SMIM13: variants seen among roughly 807,000 people sequenced by gnomAD.
SMIM13 encodes the protein UPF0766 protein C6orf228.
A neutral mutation model predicts 5.9 loss-of-function variants in SMIM13; 3 were observed. The ratio of observed to expected loss-of-function variants is 0.51; its 90% CI spans 0.23 to 1.31. SMIM13 has a LOEUF of 1.31. SMIM13 is among the 40% of genes most tolerant of loss of function. The pLI is 0.18. For synonymous variants in SMIM13, 55 were observed against 46.0 expected, an observed-to-expected ratio of 1.19 and a Z score of -0.79; for missense variants, 85 against 109.9, an observed-to-expected ratio of 0.77 and a Z score of 1.01.
At chr6:11,105,054 A>G (rs1455409491) in intron 1 of SMIM13, 1 of 1,614,224 alleles carries the variant, frequency 6.2e-7, no homozygotes. Context: ...TGCAGGCCTC[A>G]TCAGTCCTTT....
chr6:11,127,607 C>G (rs749918260), intron 1 of SMIM13, among the ~76,000 whole-genome samples: 1 of 152,164 alleles, frequency 6.6e-6, no homozygotes, highest in Non-Finnish European at 1.5e-5. Flanking sequence ...CTGTCTTACA[C>G]GGATGGCAGC....
chr6:11,134,530 C>G lies in SMIM13; in HGVS notation c.204C>G (p.Ser68=), dbSNP rs757477073. Residue 68 remains serine, a synonymous_variant, in exon 2 of 2, where the codon TCC becomes TCG. Transcript: ENST00000416247. ...CTGAAACTGAAGAAGACACTTCCTC[C>G]TCTCCACACAGAATCAGATCCGCTC... is the stretch of plus-strand genomic sequence containing the variant. ...SGSETEEDTS[S]SPHRIRSARQ... is the part of the protein sequence containing the mutation. 7 of 1,551,044 alleles carry G rather than the reference C, an allele frequency of 4.5e-6. No homozygotes were observed. Among genetic ancestry groups the G allele is most frequent in the Non-Finnish European group, 6.1e-6 (7 of 1,146,558 alleles).
At chr6:11,105,041 A>G (rs752264135) in intron 1 of SMIM13, 10 of 1,614,184 alleles carry the variant, frequency 6.2e-6, no homozygotes, top group Non-Finnish European at 8.5e-6. Flanking sequence ...AAAGAAGACT[A>G]TTTGCAGGCC....
intron 1 of SMIM13, chr6:11,105,044 T>G: frequency 6.2e-7 from 1 of 1,614,228 alleles, no homozygotes; most frequent in Non-Finnish European, 8.5e-7. Context: ...GAAGACTATT[T>G]GCAGGCCTCA....
At chr6:11,129,789 T>G (rs1448719607) in intron 1 of SMIM13, among the ~76,000 whole-genome samples, 1 of 152,228 alleles carries the variant, frequency 6.6e-6, no homozygotes, top group Non-Finnish European at 1.5e-5. Flanking sequence ...TATTGTCATA[T>G]CTAACATAGC....
rs200622017 is a variant in SMIM13 at position 11,101,032 on chromosome 6, CTTTTTTT to C, written c.76+6653_76+6659del. Among the ~76,000 whole-genome samples, 153 of 127,504 alleles carry C rather than the reference CTTTTTTT, an allele frequency of 1.2e-3. 2 individuals carry two copies. Among genetic ancestry groups the C allele is most frequent in the African/African-American group, 4.0e-3 (139 of 34,366 alleles). The allele number at this position is 127,504 out of a possible 152,430, so 83.6% of individuals were successfully genotyped here. A position where few individuals can be genotyped will look rare whatever the true frequency, so the allele number is the denominator to read the frequency against. On this transcript the variant is annotated intron_variant, in intron 1 of 1. Coordinates refer to ENST00000416247, the MANE Select transcript of SMIM13 (RefSeq NM_001135575.2). Reference sequence around the variant, plus strand: ...TGATCAATTTCCTCCTCTCCATTTTCTTTTTTTTTTTTTTTTCTGTTCTCTCTGAAAC... The same window carrying C: ...TGATCAATTTCCTCCTCTCCATTTTCTTTTTTTTTCTGTTCTCTCTGAAAC...
At chr6:11,102,954 A>G (rs751639874) in intron 1 of SMIM13, 1 of 152,188 alleles carries the variant, frequency 6.6e-6, no homozygotes. Context: ...GAGAGATCCA[A>G]TTGCCTTGGT....
chr6:11,129,475 C>G (rs1470085289), intron 1 of SMIM13, among the ~76,000 whole-genome samples: 1 of 152,178 alleles, frequency 6.6e-6, no homozygotes, highest in Non-Finnish European at 1.5e-5. Flanking sequence ...GTGAATAGTT[C>G]TGCAATAAAC....
intron 1 of SMIM13, among the ~76,000 whole-genome samples, chr6:11,101,336 A>G (rs1009194196): frequency 6.6e-6 from 1 of 152,230 alleles, no homozygotes; most frequent in Non-Finnish European, 1.5e-5. Context: ...GAATGCAGTC[A>G]ACCTCTCTTA....
intron 1 of SMIM13, chr6:11,111,607 A>G (rs72825126): frequency 0.02 from 3,085 of 152,434 alleles, 47 homozygotes; most frequent in South Asian, 0.049. Flanking sequence ...AGAGTGAAAG[A>G]GGAGAACGAA....
intron 1 of SMIM13, chr6:11,104,213 A>G: frequency 6.4e-7 from 1 of 1,551,704 alleles, no homozygotes; most frequent in Non-Finnish European, 8.7e-7. Flanking sequence ...CGGTTCCCGT[A>G]CCAGCTAGAA....
intron 1 of SMIM13, among the ~76,000 whole-genome samples, chr6:11,115,354 C>T (rs947766441): frequency 6.6e-6 from 1 of 152,154 alleles, no homozygotes; most frequent in Non-Finnish European, 1.5e-5. Flanking sequence ...GGCCTGGCTG[C>T]GTTCCTTTCT....
chr6:11,114,592 C>CTCTTT (rs1758212653), intron 1 of SMIM13, among the ~76,000 whole-genome samples: 1 of 21,842 alleles, frequency 4.6e-5, no homozygotes, highest in Non-Finnish European at 7.4e-5. Context: ...CACTTTTTCT[C>CTCTTT]TTTTTTTTTT....
intron 1 of SMIM13, among the ~76,000 whole-genome samples, chr6:11,106,851 A>G (rs1230698172): frequency 4.6e-5 from 7 of 152,218 alleles, no homozygotes; most frequent in South Asian, 2.1e-4. Flanking sequence ...TTTGAGGCCC[A>G]TATTTAATTT....
chr6:11,115,992 G>GCCTT (rs1254423479), intron 1 of SMIM13, among the ~76,000 whole-genome samples: 1 of 145,890 alleles, frequency 6.9e-6, no homozygotes, highest in African/African-American at 2.5e-5. Flanking sequence ...CTGCCGGCCG[G>GCCTT]CCTTCCTTCC....
chr6:11,107,015 G>A (rs1318975375), intron 1 of SMIM13, among the ~76,000 whole-genome samples: 1 of 152,176 alleles, frequency 6.6e-6, no homozygotes, highest in Non-Finnish European at 1.5e-5. Flanking sequence ...ATTGCACAGA[G>A]GTCCCCGGGG....
intron 1 of SMIM13, among the ~76,000 whole-genome samples, chr6:11,123,997 G>A (rs1758344988): frequency 6.6e-6 from 1 of 152,050 alleles, no homozygotes; most frequent in Admixed American, 6.6e-5. Context: ...TTTATCCTTT[G>A]CATTATAATT....
chr6:11,127,691 C>A (rs1234999901), intron 1 of SMIM13, among the ~76,000 whole-genome samples: 1 of 152,190 alleles, frequency 6.6e-6, no homozygotes, highest in Non-Finnish European at 1.5e-5. Context: ...GAGACTTATT[C>A]ACTACCAGGA....
chr6:11,099,074 G>A (rs1757960171), intron 1 of SMIM13, among the ~76,000 whole-genome samples: 1 of 151,882 alleles, frequency 6.6e-6, no homozygotes, highest in Non-Finnish European at 1.5e-5. Context: ...ACTCCCCAAG[G>A]TCTCCTATCC....
Sources: gnomAD v4.1 joint callset for allele counts (sites outside exome capture counted in the v4.1 genomes callset) on GRCh38, gnomAD v4.1.1 for gene constraint, MANE v1.5 for transcripts, NCBI Gene and HGNC (gene_info 2026-07-23, HGNC 2026-07-21) for gene names.